Variants in MAPRE2 observed in about 807,000 individuals in gnomAD.
MAPRE2 encodes the protein microtubule associated protein RP/EB family member 2, also known as microtubule-associated protein RP/EB family member 2.
MAPRE2 carries 13 observed loss-of-function variants against 43.2 expected under a neutral mutation model. The observed-to-expected ratio is 0.30, with a 90% CI of 0.20 to 0.48. The LOEUF (loss-of-function observed/expected upper bound fraction) is 0.48, where lower values mean the gene tolerates loss of function less well. MAPRE2 is among the 20% of genes least tolerant of loss of function. The probability of loss-of-function intolerance (pLI) is 0.99; values close to 1 mark genes in which losing one functional copy is unlikely to be tolerated. For synonymous variants in MAPRE2, 135 were observed against 148.8 expected (o/e 0.91, Z 0.68); for missense variants, 161 against 400.2 (o/e 0.40, Z 5.10).
chr18:34,988,203 T>C (rs1380607566), intron 1 of MAPRE2, among the ~76,000 whole-genome samples: 1 of 152,208 alleles, frequency 6.6e-6, no homozygotes, highest in Non-Finnish European at 1.5e-5. Context: ...TATGGGAGAT[T>C]CCAAACTATT....
chr18:35,083,325 T>C (rs964568225), intron 2 of MAPRE2, among the ~76,000 whole-genome samples: 1 of 152,250 alleles, frequency 6.6e-6, no homozygotes, highest in Non-Finnish European at 1.5e-5. Context: ...ATATTAGAGC[T>C]TTATGAAACT....
chr18:34,985,256 A>ATATAATATATTT (rs2097019117), intron 1 of MAPRE2, among the ~76,000 whole-genome samples: 1 of 47,156 alleles, frequency 2.1e-5, no homozygotes, highest in African/African-American at 1.1e-4. Flanking sequence ...AAAATATATA[A>ATATAATATATTT]TATAATATAT....
chr18:35,053,012 A>C (rs4145317), intron 1 of MAPRE2, among the ~76,000 whole-genome samples: 2,888 of 47,882 alleles, frequency 0.06, 64 homozygotes, highest in Non-Finnish European at 0.1. Context: ...TCCCCCCCAC[A>C]CACACACACA....
At chr18:35,133,024 A>G (rs1186846578) in intron 6 of MAPRE2, among the ~76,000 whole-genome samples, 1 of 152,128 alleles carries the variant, frequency 6.6e-6, no homozygotes, top group African/African-American at 2.4e-5. Context: ...GGCTGATGCT[A>G]GTGGAAGTGT....
chr18:35,138,447 T>C (rs17559666), intron 6 of MAPRE2, among the ~76,000 whole-genome samples: 2,271 of 152,172 alleles, frequency 0.015, 32 homozygotes, highest in Non-Finnish European at 0.023. Flanking sequence ...TAAGAGACAA[T>C]GCCAGATTTT....
intron 2 of MAPRE2, among the ~76,000 whole-genome samples, chr18:35,017,866 T>C (rs2097039437): frequency 6.6e-6 from 1 of 151,590 alleles, no homozygotes; most frequent in Non-Finnish European, 1.5e-5. Flanking sequence ...TTATGTTAAA[T>C]AGGAGGGATG....
In MAPRE2 at chr18:35,024,576, G is replaced by A. The variant is rs9962074; in HGVS notation, c.-8+19023G>A. Among the ~76,000 whole-genome samples, 1,071 of 152,228 alleles carry A rather than the reference G, an allele frequency of 7.0e-3. 12 individuals are homozygous for A. The highest frequency in any genetic ancestry group is 0.024 in the African/African-American group (1,004 of 41,528). On this transcript the variant is annotated intron_variant, in intron 2 of 7. Transcript: ENST00000413393. ...TCTGAAGATGAATAAAATTTACTAC[G>A]AGTATCTGCAGATCAGGATCTGAAA...
At chr18:35,042,326 C>T (rs1905410197) in intron 1 of MAPRE2, among the ~76,000 whole-genome samples, 1 of 152,024 alleles carries the variant, frequency 6.6e-6, no homozygotes, top group Non-Finnish European at 1.5e-5. Flanking sequence ...GAGTTTATGG[C>T]CACCGCTTGG....
At chr18:35,051,810 A>C (rs1305638823) in intron 1 of MAPRE2, among the ~76,000 whole-genome samples, 1 of 152,214 alleles carries the variant, frequency 6.6e-6, no homozygotes, top group African/African-American at 2.4e-5. Flanking sequence ...TCAACTTCCC[A>C]GGGTTCTTAT....
chr18:35,095,598 G>C (rs1908381742), intron 2 of MAPRE2, among the ~76,000 whole-genome samples: 1 of 150,150 alleles, frequency 6.7e-6, no homozygotes, highest in Non-Finnish European at 1.5e-5. Flanking sequence ...TGGTTTGTAA[G>C]AGTATATAGT....
At chr18:35,072,019 G>A (rs893174107) in intron 2 of MAPRE2, among the ~76,000 whole-genome samples, 14 of 152,210 alleles carry the variant, frequency 9.2e-5, no homozygotes, top group African/African-American at 3.4e-4. Flanking sequence ...TACCAGGCAT[G>A]TATATTGTTG....
At chr18:35,041,334 C>T (rs1016193376), upstream of MAPRE2, 3 of 1,432,380 alleles carry the variant, frequency 2.1e-6, no homozygotes, top group East Asian at 2.5e-5. Context: ...GCCACGTGAC[C>T]AGGGTGCTGC....
chr18:35,100,466 T>C (rs1467348201), intron 3 of MAPRE2, among the ~76,000 whole-genome samples: 1 of 152,216 alleles, frequency 6.6e-6, no homozygotes, highest in African/African-American at 2.4e-5. Context: ...TTATTGGGTA[T>C]ATACCCAAAA....
chr18:35,111,442 A>G (rs1307928246), intron 4 of MAPRE2, among the ~76,000 whole-genome samples: 1 of 152,030 alleles, frequency 6.6e-6, no homozygotes, highest in Non-Finnish European at 1.5e-5. Context: ...TTTTTCTTTG[A>G]GAATATGTCA....
chr18:35,078,397 G>C (rs1397397174), intron 2 of MAPRE2, among the ~76,000 whole-genome samples: 2 of 151,956 alleles, frequency 1.3e-5, no homozygotes, highest in African/African-American at 4.8e-5. Context: ...TATACATTAG[G>C]GGTATAATGA....
intron 4 of MAPRE2, among the ~76,000 whole-genome samples, chr18:35,117,929 C>G (rs1052191025): frequency 2.6e-5 from 4 of 152,010 alleles, no homozygotes; most frequent in Non-Finnish European, 4.4e-5. Flanking sequence ...ATGCAGAACG[C>G]TTTCCTGCAT....
intron 1 of MAPRE2, among the ~76,000 whole-genome samples, chr18:34,986,777 G>A (rs1048844967): frequency 1.3e-5 from 2 of 152,158 alleles, no homozygotes; most frequent in African/African-American, 2.4e-5. Context: ...CTGTAGAGTT[G>A]CCAGGTAAAA....
chr18:35,101,092 T>C (rs1307962027), intron 3 of MAPRE2, among the ~76,000 whole-genome samples: 1 of 152,172 alleles, frequency 6.6e-6, no homozygotes, highest in Non-Finnish European at 1.5e-5. Flanking sequence ...TAGCACAACA[T>C]TCCAGGCGTC....
chr18:35,111,350 C>T (rs1299568690), intron 4 of MAPRE2, among the ~76,000 whole-genome samples: 10 of 152,128 alleles, frequency 6.6e-5, no homozygotes, highest in African/African-American at 9.7e-5. Flanking sequence ...TCACTAAACA[C>T]GCTTATGGTA....
Sources: gnomAD v4.1 joint callset for allele counts (sites outside exome capture counted in the v4.1 genomes callset) on GRCh38, gnomAD v4.1.1 for gene constraint, MANE v1.5 for transcripts, NCBI Gene and HGNC (gene_info 2026-07-23, HGNC 2026-07-21) for gene names.